Variants in NLRP2 observed in about 807,000 individuals in gnomAD.
NLRP2 encodes NLR family pyrin domain containing 2.
In NLRP2, 107 loss-of-function variants were observed where a neutral mutation model predicts 97.2. The observed-to-expected ratio is 1.10, with a 90% CI of 0.94 to 1.29. The LOEUF (loss-of-function observed/expected upper bound fraction) is 1.29. NLRP2 is among the 50% of genes most tolerant of loss of function. The probability of loss-of-function intolerance (pLI) is 0.00; values close to 1 mark genes in which losing one functional copy is unlikely to be tolerated. For missense variants in NLRP2, 1,495 were observed against 1,330.3 expected, an observed-to-expected ratio of 1.12 and a Z score of -1.93; for synonymous variants, 663 against 551.5, an observed-to-expected ratio of 1.20 and a Z score of -2.83.
At chr19:54,985,286 C>T (rs1267596948) in intron 7 of NLRP2, 69 bp downstream of exon 7, 1 of 1,445,576 alleles carries the variant, frequency 6.9e-7, no homozygotes, top group Non-Finnish European at 9.7e-7. Context: ...AACATCGGAG[C>T]AATATTCAGA....
rs765408642 is a variant in NLRP2, at chr19:54,990,117, A to G, written c.2462A>G (p.Asn821Ser). The change falls in exon 9 of 13, where the codon AAT becomes AGT. Residue 821 changes from asparagine (N) to serine (S), a missense_variant. By Grantham distance (46) the Asn-to-Ser change is conservative (BLOSUM62 1). Transcript: ENST00000448584. ...CTGACGTGCGTAAACCTCTCCGACAATGAGCTTCTGGATGAGGGTGCTAAG... is the reference window on the plus strand; with the variant it reads ...CTGACGTGCGTAAACCTCTCCGACAGTGAGCTTCTGGATGAGGGTGCTAAG... ...QSLTCVNLSD[N>S]ELLDEGAKLL... 1.2e-5 allele frequency: 19 copies of G among 1,614,016 alleles called. No individual in the cohort carries two copies. The Admixed American group carries it at 1.5e-4, about 13-fold the overall frequency.
rs369805268 is a variant in NLRP2 at position 55,000,330 on chromosome 19, A to G, written c.3051-430A>G. On this transcript the variant is annotated intron_variant, in intron 12 of 12. Transcript: ENST00000448584. ...TTTTTGAGATCGCCCAGGCTGGAGTACAGTGGCACGATCTCGGCTCACTGC... is the reference window on the plus strand; with the variant it reads ...TTTTTGAGATCGCCCAGGCTGGAGTGCAGTGGCACGATCTCGGCTCACTGC... Among the ~76,000 whole-genome samples, 337 of 112,092 alleles carry G rather than the reference A, an allele frequency of 3.0e-3. 1 individual carries two copies. The highest frequency in any genetic ancestry group is 0.02 in the Middle Eastern group (2 of 102). The allele number at this position is 112,092 out of a possible 152,430, so 73.5% of individuals were successfully genotyped here.
At chr19:54,984,483 A>ATTTTTTTTTTTTTTTTTTTTTTTTTTTTT (rs1568505832) in intron 6 of NLRP2, among the ~76,000 whole-genome samples, 1 of 46,188 alleles carries the variant, frequency 2.2e-5, no homozygotes, top group Non-Finnish European at 3.6e-5. Flanking sequence ...TATATTCCCA[A>ATTTTTTTTTTTTTTTTTTTTTTTTTTTTT]TCTTTTTTTT....
rs1019228015 is a variant in NLRP2 at position 54,981,499 on chromosome 19, C to T, written c.398-118C>T. ...CACATTTGTAGCTTATTTGCTTTATCTGATCCCGTGCCCCCCCTCCCCCCC... is the reference window on the plus strand; with the variant it reads ...CACATTTGTAGCTTATTTGCTTTATTTGATCCCGTGCCCCCCCTCCCCCCC... On this transcript the variant is annotated intron_variant, in intron 4 of 12. Coordinates refer to ENST00000448584, the MANE Select transcript of NLRP2 (RefSeq NM_017852.5). 7.4e-6 allele frequency: 4 copies of T among 541,648 alleles called. No individual in the cohort carries two copies. In the East Asian group the frequency reaches 1.7e-4, roughly 23 times the overall value. The allele number at this position is 541,648 out of a possible 1,614,324, so 33.6% of individuals were successfully genotyped here.
chr19:54,990,756 A>G, intron 10 of NLRP2, 84 bp downstream of exon 10: 1 of 1,372,860 alleles, frequency 7.3e-7, no homozygotes, highest in Non-Finnish European at 1.0e-6. Flanking sequence ...GGTTATGAGA[A>G]CACTTAATTC....
chr19:54,985,170 C>A lies in NLRP2; in HGVS notation c.2154C>A (p.Ile718=). The change falls in exon 7 of 13, where the codon ATC becomes ATA. Residue 718 remains isoleucine, a synonymous_variant. Coordinates refer to ENST00000448584, the MANE Select transcript of NLRP2 (RefSeq NM_017852.5). Reference sequence around the variant, plus strand: ...TTCTCAGTGCCTCCCTAGTAAGGATCCTGTGTGAACAAATAGCCTCTGACA... The same window carrying A: ...TTCTCAGTGCCTCCCTAGTAAGGATACTGTGTGAACAAATAGCCTCTGACA... ...DSFLSASLVR[I]LCEQIASDTC... The A allele has an allele frequency of 6.2e-7, 1 of 1,614,110 alleles. No homozygotes were observed. Among genetic ancestry groups the A allele is most frequent in the Non-Finnish European group, 8.5e-7 (1 of 1,180,020 alleles).
chr19:54,972,447 C>T (rs2070924820), intron 2 of NLRP2, among the ~76,000 whole-genome samples: 1 of 151,718 alleles, frequency 6.6e-6, no homozygotes, highest in Admixed American at 6.6e-5. Flanking sequence ...TCCCAATGTG[C>T]TGGAATTACA....
intron 10 of NLRP2, chr19:54,991,550 CAAAAAA>C: frequency 7.3e-6 from 1 of 136,144 alleles, no homozygotes; most frequent in East Asian, 2.1e-4. Context: ...AAGACTCTCT[CAAAAAA>C]AAAAAATTAT....
At chr19:54,967,801 G>C (rs2070560410) in intron 1 of NLRP2, among the ~76,000 whole-genome samples, 1 of 152,010 alleles carries the variant, frequency 6.6e-6, no homozygotes, top group Non-Finnish European at 1.5e-5. Context: ...TTCTAGTCCA[G>C]CTTCCGGACC....
Position 54,986,257 on chromosome 19 carries a change from A to T in NLRP2, c.2308A>T (p.Met770Leu). The T allele has an allele frequency of 6.2e-7, 1 of 1,614,048 alleles. No individual in the cohort carries two copies. Among genetic ancestry groups the T allele is most frequent in the Non-Finnish European group, 8.5e-7 (1 of 1,179,956 alleles). ...CCTTCAAGGCAATGACCAGGATGAT[A>T]TGTTTCCCGCATTGTGTGAGGTCTT... ...LTLQGNDQDD[M>L]FPALCEVLRH... Residue 770 changes from methionine to leucine, a missense_variant, in exon 8 of 13, where the codon ATG becomes TTG. By Grantham distance (15) the Met-to-Leu change is conservative. Transcript: ENST00000448584.
At chr19:54,994,054 C>G in intron 10 of NLRP2, 1 of 641,622 alleles carries the variant, frequency 1.6e-6, no homozygotes, top group Non-Finnish European at 2.8e-6. Flanking sequence ...TCAGTCACCT[C>G]TACGAGGTCC....
intron 5 of NLRP2, 39 bp from the exon 6 acceptor site, chr19:54,982,123 T>TTGCATCCTCTCTCCCTTCCCTCCTC: frequency 6.2e-7 from 1 of 1,613,110 alleles, no homozygotes. Flanking sequence ...GGGTAACTGA[T>TTGCATCCTCTCTCCCTTCCCTCCTC]TGCATCCTCT....
At chr19:54,986,808 A>G (rs1045905869) in intron 8 of NLRP2, among the ~76,000 whole-genome samples, 5 of 151,008 alleles carry the variant, frequency 3.3e-5, no homozygotes, top group African/African-American at 1.2e-4. Flanking sequence ...TCAGGCTCCC[A>G]AAGTGCTGGG....
At chr19:54,970,376 C>T (rs886700242) in intron 2 of NLRP2, 81 bp downstream of exon 2, 130 of 1,530,692 alleles carry the variant, frequency 8.5e-5, no homozygotes, top group Admixed American at 2.9e-4. Context: ...GAAGGCCAGG[C>T]GCGCTGGCTC....
chr19:54,996,053 A>AC (rs1491415793), intron 11 of NLRP2, among the ~76,000 whole-genome samples: 1 of 139,894 alleles, frequency 7.1e-6, no homozygotes, highest in African/African-American at 2.8e-5. Context: ...AAAAAAAAAA[A>AC]CAAAAAAAAC....
chr19:54,983,937 G>A lies in NLRP2; in HGVS notation c.2030+209G>A, dbSNP rs552719923. ...GCGATCTTGGCTCCCTGCAACCTCCGCCTCCCGGGTTCAAGTGATTCTTCT... is the reference window on the plus strand; with the variant it reads ...GCGATCTTGGCTCCCTGCAACCTCCACCTCCCGGGTTCAAGTGATTCTTCT... On this transcript the variant is annotated intron_variant, in intron 6 of 12. Transcript: ENST00000448584. 4.7e-4 allele frequency among the ~76,000 whole-genome samples: 71 copies of A among 152,178 alleles called. 3 individuals are homozygous for A. The South Asian group carries it at 0.013, about 28-fold the overall frequency.
chr19:54,987,202 C>T (rs888906060), intron 8 of NLRP2, among the ~76,000 whole-genome samples: 2 of 144,390 alleles, frequency 1.4e-5, no homozygotes, highest in Non-Finnish European at 3.0e-5. Context: ...AGCCCAGAAT[C>T]TTTATCTTCT....
chr19:54,966,886 G>C (rs1419162877), intron 1 of NLRP2, among the ~76,000 whole-genome samples: 1 of 133,024 alleles, frequency 7.5e-6, no homozygotes, highest in Non-Finnish European at 1.5e-5. Context: ...CTGTTTCCCA[G>C]GCTGGAGCGC....
Position 54,984,329 on chromosome 19 carries a change from G to GTGTGTTTTTTTTTTTTTTTTTT in NLRP2, c.2030+602_2030+603insGTGTTTTTTTTTTTTTTTTTTT. ...AACTTAAGTGGGGGTTTTTTTTTGT[G>GTGTGTTTTTTTTTTTTTTTTTT]TTTTTTTTTTTTTTTTTTTTTTTGG... is the stretch of plus-strand genomic sequence containing the variant. On this transcript the variant is annotated intron_variant, in intron 6 of 12. Transcript: ENST00000448584. Among the ~76,000 whole-genome samples, 528 of 79,640 alleles carry GTGTGTTTTTTTTTTTTTTTTTT rather than the reference G, an allele frequency of 6.6e-3. 58 individuals are homozygous for GTGTGTTTTTTTTTTTTTTTTTT. The highest frequency in any genetic ancestry group is 0.01 in the Non-Finnish European group (415 of 39,938). 52.2% of individuals were successfully genotyped at this position (79,640 alleles called of 152,430 possible).
Sources: gnomAD v4.1 joint callset for allele counts (sites outside exome capture counted in the v4.1 genomes callset) on GRCh38, gnomAD v4.1.1 for gene constraint, MANE v1.5 for transcripts, NCBI Gene and HGNC (gene_info 2026-07-23, HGNC 2026-07-21) for gene names.